NFRKB: variants seen among roughly 807,000 people sequenced by gnomAD.
NFRKB encodes nuclear factor related to kappa-B-binding protein.
Under a neutral mutation model 135.7 loss-of-function variants are expected in NFRKB, and 62 were observed. The ratio of observed to expected loss-of-function variants is 0.46; its 90% CI spans 0.37 to 0.56. The LOEUF (loss-of-function observed/expected upper bound fraction) is 0.56, where lower values mean the gene tolerates loss of function less well. Among genes scored for constraint, NFRKB ranks in the 20% least tolerant of loss-of-function variants. The pLI, the probability that NFRKB is intolerant of heterozygous loss-of-function variation, is 0.00. For synonymous variants in NFRKB, 678 were observed against 635.6 expected (o/e 1.07, Z -1.00); for missense variants, 1,545 against 1,662.0 (o/e 0.93, Z 1.22).
In NFRKB at chr11:129,865,900, G is replaced by A; in HGVS notation, c.3615C>T (p.Ile1205=). 2 of 1,614,082 alleles carry A rather than the reference G, an allele frequency of 1.2e-6. No individual in the cohort carries two copies. The highest frequency in any genetic ancestry group is 1.7e-6 in the Non-Finnish European group (2 of 1,180,012). ...MKGKSVVTAP[I]IKGNLGANLS... ...ACTTGGCTCCAAGGTTGCCTTTGAT[G>A]ATGGGGGCTGTGACCACGCTCTTGC... Residue 1205 remains isoleucine, a synonymous_variant, in exon 25 of 27, where the codon ATC becomes ATT. Coordinates refer to ENST00000682444, the MANE Select transcript of NFRKB (RefSeq NM_001143835.2).
intron 23 of NFRKB, among the ~76,000 whole-genome samples, chr11:129,872,365 G>A (rs1463284294): frequency 6.6e-6 from 1 of 152,090 alleles, no homozygotes; most frequent in Non-Finnish European, 1.5e-5. Flanking sequence ...TTCTCCACCT[G>A]TAAATAATAA....
In NFRKB at chr11:129,864,647, A is replaced by G; in HGVS notation, c.*78T>C. ...GCCTTGAACAGGCAAGCTTAAAACA[A>G]TGATGCAACCTCCCTGGTCCCTTCT... On this transcript the variant is annotated 3_prime_UTR_variant, in exon 27 of 27. Coordinates refer to ENST00000682444, the MANE Select transcript of NFRKB (RefSeq NM_001143835.2). 6.3e-7 allele frequency: 1 copy of G among 1,595,314 alleles called. No individual in the cohort carries two copies. Among genetic ancestry groups the G allele is most frequent in the South Asian group, 1.1e-5 (1 of 89,382 alleles).
intron 17 of NFRKB, 126 bp from the exon 18 acceptor site, chr11:129,875,589 G>A (rs764990973): frequency 3.1e-6 from 2 of 636,058 alleles, no homozygotes; most frequent in East Asian, 2.9e-5. Context: ...CCCTGATGCC[G>A]GATTAGGTGC....
intron 22 of NFRKB, 78 bp downstream of exon 22, chr11:129,873,667 G>A: frequency 2.6e-6 from 4 of 1,556,312 alleles, no homozygotes; most frequent in Non-Finnish European, 3.5e-6. Context: ...TCCTTACCCA[G>A]ACACTGCCCA....
At chr11:129,867,268 T>C (rs1565386410) in intron 24 of NFRKB, among the ~76,000 whole-genome samples, 1 of 151,828 alleles carries the variant, frequency 6.6e-6, no homozygotes, top group Non-Finnish European at 1.5e-5. Context: ...ATCAAGTGAG[T>C]GCAGTTTCCC....
intron 24 of NFRKB, among the ~76,000 whole-genome samples, chr11:129,866,516 A>G (rs1948199635): frequency 6.6e-6 from 1 of 151,792 alleles, no homozygotes; most frequent in African/African-American, 2.4e-5. Flanking sequence ...GGGAGAGGCC[A>G]TGCTCTCCGG....
At chr11:129,885,161 C>T (rs1423241788) in intron 6 of NFRKB, among the ~76,000 whole-genome samples, 1 of 152,184 alleles carries the variant, frequency 6.6e-6, no homozygotes, top group Non-Finnish European at 1.5e-5. Flanking sequence ...TGGAGAACCC[C>T]GTCGTGCAGG....
In NFRKB at chr11:129,875,451, G is replaced by A. The variant is rs756824820; in HGVS notation, c.1760C>T (p.Ala587Val). The stretch of plus-strand genomic sequence containing the variant: ...GCCTTCTCCATTAGGCAGTCGAGCC[G>A]CAGCGTCCCGAACTGATGACATGAG... ...VTILSLVRDA[A>V]ARLPNGEGTR... The change falls in exon 18 of 27, where the codon GCG becomes GTG. Residue 587 changes from alanine to valine, a missense_variant. Physicochemically the swap from Ala to Val is moderately conservative, Grantham distance 64. This residue lies in a region of NFRKB where 114 missense variants were observed against 211.0 expected (regional missense o/e 0.54). Transcript: ENST00000682444. The A allele has an allele frequency of 5.6e-6, 9 of 1,603,718 alleles. No individual in the cohort carries two copies. The highest frequency in any genetic ancestry group is 3.4e-5 in the South Asian group (3 of 88,534).
intron 8 of NFRKB, 115 bp downstream of exon 8, chr11:129,883,955 A>G (rs1480815088): frequency 9.0e-7 from 1 of 1,113,776 alleles, no homozygotes; most frequent in Non-Finnish European, 1.4e-6. Context: ...TCCTGTGCCC[A>G]CAGTGGTAGG....
intron 25 of NFRKB, 31 bp from the exon 26 acceptor site, chr11:129,865,132 T>C (rs1948130499): frequency 3.1e-6 from 5 of 1,593,216 alleles, no homozygotes; most frequent in Non-Finnish European, 4.3e-6. Context: ...TGAGATATAA[T>C]GATATCGACA....
rs548050953 is a variant in NFRKB, at chr11:129,882,385, G to A, written c.1082+66C>T. 4.3e-5 allele frequency: 66 copies of A among 1,541,662 alleles called. No homozygotes were observed. The African/African-American group carries it at 8.3e-4, about 19-fold the overall frequency. On this transcript the variant is annotated intron_variant, in intron 10 of 26. Coordinates refer to ENST00000682444, the MANE Select transcript of NFRKB (RefSeq NM_001143835.2). ...CTTACAGCTACGACAAGCCCTAGGGGCCAGGGCACAGCCTATGGCTTACCC... is the reference window on the plus strand; with the variant it reads ...CTTACAGCTACGACAAGCCCTAGGGACCAGGGCACAGCCTATGGCTTACCC...
At chr11:129,883,409 T>G (rs1468784940) in intron 8 of NFRKB, among the ~76,000 whole-genome samples, 2 of 152,236 alleles carry the variant, frequency 1.3e-5, no homozygotes, top group African/African-American at 4.8e-5. Flanking sequence ...CAGAACCCAG[T>G]TCCAATCTTT....
At chr11:129,869,350 T>C (rs930929026) in intron 24 of NFRKB, 144 bp downstream of exon 24, 2 of 827,534 alleles carry the variant, frequency 2.4e-6, no homozygotes, top group Admixed American at 3.1e-5. Flanking sequence ...CTATTTGGGG[T>C]AAACGAGGTG....
intron 4 of NFRKB, 193 bp downstream of exon 4, chr11:129,888,401 T>G: frequency 2.9e-6 from 2 of 695,388 alleles, no homozygotes; most frequent in South Asian, 3.1e-5. Context: ...TTATGTATTT[T>G]CTATATAAGT....
chr11:129,890,746 T>C (rs1175154838), intron 3 of NFRKB, among the ~76,000 whole-genome samples: 1 of 152,192 alleles, frequency 6.6e-6, no homozygotes, highest in Admixed American at 6.5e-5. Context: ...ATGATGACAA[T>C]GACGCATCTT....
chr11:129,866,883 T>C (rs1250633312), intron 24 of NFRKB, among the ~76,000 whole-genome samples: 3 of 152,174 alleles, frequency 2.0e-5, no homozygotes, highest in African/African-American at 7.2e-5. Context: ...GGCACTCAGC[T>C]GCACAACTGC....
chr11:129,869,478 A>C lies in NFRKB; in HGVS notation c.3531+16T>G. On this transcript the variant is annotated intron_variant, in intron 24 of 26. Transcript: ENST00000682444. Reference sequence around the variant, plus strand: ...TTCTAAAAAAGAAGGCCTAAGCTTTACCACTAGTTACTCACAGCCTGGGAC... The same window carrying C: ...TTCTAAAAAAGAAGGCCTAAGCTTTCCCACTAGTTACTCACAGCCTGGGAC... 1.3e-6 allele frequency: 2 copies of C among 1,589,676 alleles called. No individual in the cohort carries two copies. Among genetic ancestry groups the C allele is most frequent in the Non-Finnish European group, 1.7e-6 (2 of 1,172,782 alleles).
intron 8 of NFRKB, 76 bp downstream of exon 8, chr11:129,883,994 C>T: frequency 4.9e-6 from 7 of 1,433,034 alleles, no homozygotes; most frequent in Non-Finnish European, 6.9e-6. Flanking sequence ...CAGTGATGCC[C>T]CGTGTCTTCC....
chr11:129,874,643 T>C lies in NFRKB; in HGVS notation c.1979-63A>G. ...CCTTAGCAAACTAAAAAGAGGGGCT[T>C]TGTTAAAAACCAACACCTTGCCAGT... On this transcript the variant is annotated intron_variant, in intron 19 of 26. Transcript: ENST00000682444. The surrounding 1 kb of genome is among the most constrained non-coding windows in gnomAD (Gnocchi z 4.5). The C allele has an allele frequency of 6.2e-7, 1 of 1,606,254 alleles. No homozygotes were observed. The highest frequency in any genetic ancestry group is 1.1e-5 in the South Asian group (1 of 90,018).
Sources: gnomAD v4.1 joint callset for allele counts (sites outside exome capture counted in the v4.1 genomes callset) on GRCh38, gnomAD v4.1.1 for gene constraint, gnomAD v4.1.1 regional missense constraint, Gnocchi (gnomAD v3.1) non-coding constraint, MANE v1.5 for transcripts, NCBI Gene and HGNC (gene_info 2026-07-23, HGNC 2026-07-21) for gene names.